KCNMA1: variants seen among roughly 807,000 people sequenced by gnomAD.
KCNMA1 encodes the protein Calcium-activated potassium channel subunit alpha-1.
In KCNMA1, 29 loss-of-function variants were observed where a neutral mutation model predicts 140.0. The ratio of observed to expected loss-of-function variants is 0.21; its 90% confidence interval spans 0.15 to 0.28. The LOEUF (loss-of-function observed/expected upper bound fraction) is 0.28, where lower values mean the gene tolerates loss of function less well. Ranked by LOEUF, KCNMA1 falls within the 10% of genes least tolerant of loss-of-function variation. The pLI is 1.00. For synonymous variants in KCNMA1, 612 were observed against 611.9 expected (o/e 1.00, Z 0.00); for missense variants, 880 against 1,602.2 (o/e 0.55, Z 7.70).
chr10:77,505,546 C>T (rs555528557), intron 1 of KCNMA1, among the ~76,000 whole-genome samples: 2 of 152,338 alleles, frequency 1.3e-5, no homozygotes, highest in South Asian at 2.1e-4. Flanking sequence ...TAACTTAGAA[C>T]ATCAAAAACA....
At chr10:76,977,785 T>TGTTTGAGGTCATGAGTCAGGTGA in intron 19 of KCNMA1, 1 of 601,566 alleles carries the variant, frequency 1.7e-6, no homozygotes. Flanking sequence ...GGTCCGCTCG[T>TGTTTGAGGTCATGAGTCAGGTGA]GTTTGAGGTC....
At chr10:77,238,790 T>C (rs1398598947) in intron 3 of KCNMA1, among the ~76,000 whole-genome samples, 2 of 152,194 alleles carry the variant, frequency 1.3e-5, no homozygotes, top group East Asian at 1.9e-4. Context: ...CTTAAGAGAA[T>C]AGAAATCCTT....
At position 77,530,250 on chromosome 10, in the gene KCNMA1, T is replaced by C. The variant is rs117165205; in HGVS notation, c.378+107015A>G. ...CAAACAATGATGCTATTGACCAGGA[T>C]AGACAGAGGGACAAGGAAAGAGAGA... On this transcript the variant is annotated intron_variant, in intron 1 of 27. Transcript: ENST00000286628. 3.8e-4 allele frequency among the ~76,000 whole-genome samples: 58 copies of C among 152,300 alleles called. No homozygotes were observed. The East Asian group carries it at 0.01, about 26-fold the overall frequency.
intron 1 of KCNMA1, among the ~76,000 whole-genome samples, chr10:77,474,416 G>T (rs1350109684): frequency 6.6e-6 from 1 of 152,162 alleles, no homozygotes; most frequent in African/African-American, 2.4e-5. Context: ...AAGACCATGT[G>T]AAGATACAGG....
At chr10:77,278,197 T>C (rs1053673195) in intron 2 of KCNMA1, among the ~76,000 whole-genome samples, 1 of 152,198 alleles carries the variant, frequency 6.6e-6, no homozygotes, top group Non-Finnish European at 1.5e-5. Flanking sequence ...ATAGGTGCTA[T>C]AGAGGACAAA....
intron 2 of KCNMA1, among the ~76,000 whole-genome samples, chr10:77,285,509 G>A (rs759610148): frequency 2.0e-5 from 3 of 152,168 alleles, no homozygotes; most frequent in Non-Finnish European, 4.4e-5. Flanking sequence ...TGAAACAGGT[G>A]AAAATTAAGA....
At chr10:77,175,497 G>C (rs2098744687) in intron 5 of KCNMA1, among the ~76,000 whole-genome samples, 2 of 152,162 alleles carry the variant, frequency 1.3e-5, no homozygotes, top group African/African-American at 4.8e-5. Context: ...CCAGGTACTA[G>C]GGACATAGCG....
At chr10:77,627,998 C>T (rs1417944984) in intron 1 of KCNMA1, among the ~76,000 whole-genome samples, 1 of 152,126 alleles carries the variant, frequency 6.6e-6, no homozygotes, top group Admixed American at 6.5e-5. Context: ...CCAGCAGAGG[C>T]CACTCTCGAT....
intron 1 of KCNMA1, among the ~76,000 whole-genome samples, chr10:77,569,923 A>G (rs1350410364): frequency 1.3e-4 from 20 of 152,160 alleles, no homozygotes; most frequent in African/African-American, 4.3e-4. Flanking sequence ...AAAAGTGGGC[A>G]AAGGACATGA....
chr10:77,571,633 G>C (rs532015264), intron 1 of KCNMA1, among the ~76,000 whole-genome samples: 2 of 152,272 alleles, frequency 1.3e-5, no homozygotes, highest in Admixed American at 1.3e-4. Flanking sequence ...TATTTCTCCT[G>C]TAGGGGAAAG....
intron 1 of KCNMA1, among the ~76,000 whole-genome samples, chr10:77,489,394 G>T (rs762379416): frequency 2.4e-4 from 37 of 151,856 alleles, no homozygotes; most frequent in Non-Finnish European, 4.7e-4. Context: ...GGAGTGGAGT[G>T]GCACGATCTT....
At chr10:77,300,427 T>TTG (rs1170860610) in intron 2 of KCNMA1, among the ~76,000 whole-genome samples, 1 of 152,194 alleles carries the variant, frequency 6.6e-6, no homozygotes, top group Non-Finnish European at 1.5e-5. Context: ...GGTAGAGTTG[T>TTG]TGTGAGGACT....
chr10:77,368,053 A>G (rs1463090582), intron 2 of KCNMA1, among the ~76,000 whole-genome samples: 1 of 152,210 alleles, frequency 6.6e-6, no homozygotes, highest in Non-Finnish European at 1.5e-5. Context: ...CCTAGGGTAA[A>G]TATCTAGACA....
At chr10:77,093,276 G>A (rs547939289) in intron 9 of KCNMA1, among the ~76,000 whole-genome samples, 23 of 152,240 alleles carry the variant, frequency 1.5e-4, no homozygotes, top group Non-Finnish European at 2.2e-4. Context: ...GAAAAAAAGC[G>A]AGATTGATTG....
At chr10:76,941,116 G>GAGGGAAGGGAAGGGAAGGGAAGGGA (rs1223512999) in intron 23 of KCNMA1, among the ~76,000 whole-genome samples, 9 of 88,594 alleles carry the variant, frequency 1.0e-4, no homozygotes, top group Admixed American at 2.3e-4. Flanking sequence ...GGGAGGGAGG[G>GAGGGAAGGGAAGGGAAGGGAAGGGA]AGGGAAGGGA....
chr10:76,944,673 G>A, intron 23 of KCNMA1, 100 bp downstream of exon 23: 2 of 1,119,844 alleles, frequency 1.8e-6, no homozygotes, highest in South Asian at 1.3e-5. Context: ...TGCCAGGCAG[G>A]CTGATGTGAG....
At chr10:77,502,764 CAAT>C (rs1470030387) in intron 1 of KCNMA1, among the ~76,000 whole-genome samples, 1 of 152,146 alleles carries the variant, frequency 6.6e-6, no homozygotes, top group Non-Finnish European at 1.5e-5. Context: ...TGGAAAAGGG[CAAT>C]AATAATAATA....
chr10:77,442,210 C>T (rs964910817), intron 1 of KCNMA1, among the ~76,000 whole-genome samples: 6 of 152,182 alleles, frequency 3.9e-5, no homozygotes, highest in Admixed American at 3.9e-4. Flanking sequence ...CCTTCACTCT[C>T]ACCCCCACCC....
chr10:77,022,989 A>T (rs1450082434), intron 16 of KCNMA1: 2 of 454,506 alleles, frequency 4.4e-6, no homozygotes, highest in Non-Finnish European at 8.9e-6. Flanking sequence ...CTTCAAAGAG[A>T]AATATGGGTT....
Sources: gnomAD v4.1 joint callset for allele counts (sites outside exome capture counted in the v4.1 genomes callset) on GRCh38, gnomAD v4.1.1 for gene constraint, MANE v1.5 for transcripts, NCBI Gene and HGNC (gene_info 2026-07-23, HGNC 2026-07-21) for gene names.